LTBR: variants seen among roughly 807,000 people sequenced by gnomAD.
The protein encoded by LTBR is lymphotoxin beta receptor, also known as tumor necrosis factor receptor superfamily member 3.
LTBR carries 15 observed loss-of-function variants against 45.4 expected under a neutral mutation model. The observed-to-expected ratio is 0.33, with a 90% CI of 0.22 to 0.51. The LOEUF is 0.51. Among genes scored for constraint, LTBR ranks in the 20% least tolerant of loss-of-function variants. The pLI is 0.97. For synonymous variants in LTBR, 228 were observed against 231.0 expected, an observed-to-expected ratio of 0.99 and a Z score of 0.12; for missense variants, 450 against 565.5, an observed-to-expected ratio of 0.80 and a Z score of 2.07.
At chr12:6,376,067 C>T in intron 1 of LTBR, 1 of 991,238 alleles carries the variant, frequency 1.0e-6, no homozygotes, top group Non-Finnish European at 1.2e-6. Context: ...CTTCCAGGAG[C>T]TAGAGGCTCA....
Position 6,390,198 on chromosome 12 carries a change from C to T in LTBR, c.888C>T (p.Pro296=). 6.2e-7 allele frequency: 1 copy of T among 1,614,140 alleles called. No homozygotes were observed. Among genetic ancestry groups the T allele is most frequent in the African/African-American group, 1.3e-5 (1 of 75,038 alleles). ...YFPDLVQPLL[P]ISGDVSPVST... is the part of the protein sequence containing the mutation. ...CTGACTTGGTACAGCCACTGCTACC[C>T]ATTTCTGGAGATGTTTCCCCAGTAT... Residue 296 remains proline, a synonymous_variant, in exon 9 of 10, where the codon CCC becomes CCT. Coordinates refer to ENST00000228918, the MANE Select transcript of LTBR (RefSeq NM_002342.3).
rs1949014894 is a variant in LTBR at position 6,384,436 on chromosome 12, A to G, written c.78A>G (p.Ala26=). 1.9e-6 allele frequency: 3 copies of G among 1,550,108 alleles called. No individual in the cohort carries two copies. The highest frequency in any genetic ancestry group is 2.6e-6 in the Non-Finnish European group (3 of 1,150,232). ...PLVLGLFGLL[A]ASQPQAVPPY... is the part of the protein sequence containing the mutation. ...TGCTGGGCCTCTTCGGGCTCCTGGC[A>G]GCATCGCAGCCCCAGGCGGTGAGGA... The change falls in exon 1 of 10, where the codon GCA becomes GCG. Residue 26 remains alanine (A), a synonymous_variant. Coordinates refer to ENST00000228918, the MANE Select transcript of LTBR (RefSeq NM_002342.3).
At position 6,390,742 on chromosome 12, in the gene LTBR, A is replaced by T. The variant is rs774839362; in HGVS notation, c.1113A>T (p.Gly371=). The T allele has an allele frequency of 5.8e-6, 9 of 1,553,622 alleles. No homozygotes were observed. The South Asian group carries it at 1.1e-4, about 20-fold the overall frequency. The change falls in exon 10 of 10, where the codon GGA becomes GGT. Residue 371 remains glycine (G), a synonymous_variant. Transcript: ENST00000228918. ...TCTACAATGGACCAGTACTGGGGGG[A>T]CCACCGGGTCCTGGAGACCTCCCAG... ...IYIYNGPVLG[G]PPGPGDLPAT... is the part of the protein sequence containing the mutation.
intron 1 of LTBR, chr12:6,375,983 G>A: frequency 1.0e-6 from 1 of 1,001,410 alleles, no homozygotes; most frequent in Non-Finnish European, 1.2e-6. Context: ...GCAGTGGTGG[G>A]GGCAAATAGA....
chr12:6,379,544 C>G (rs112562207), upstream of LTBR, among the ~76,000 whole-genome samples: 1 of 152,256 alleles, frequency 6.6e-6, no homozygotes, highest in East Asian at 1.9e-4. Flanking sequence ...TTCAGCTGCC[C>G]TTATGTGGTA....
chr12:6,388,792 C>T lies in LTBR; in HGVS notation c.776-8C>T, dbSNP rs771099203. The T allele has an allele frequency of 1.2e-6, 2 of 1,614,122 alleles. No homozygotes were observed. Among genetic ancestry groups the T allele is most frequent in the Non-Finnish European group, 1.7e-6 (2 of 1,179,996 alleles). ...GGGAGCCTACACCCATTTCATTCTC[C>T]ATTGCAGGATCGCTGCTCAAGAGGC... On this transcript the variant is annotated splice_polypyrimidine_tract_variant and splice_region_variant and intron_variant, in intron 7 of 9. Transcript: ENST00000228918. This position sits in a 1 kb window ranked among gnomAD's most constrained non-coding sequence, Gnocchi z 4.3.
In LTBR at chr12:6,386,077, A is replaced by G; in HGVS notation, c.484A>G (p.Lys162Glu). 1.2e-6 allele frequency: 2 copies of G among 1,613,424 alleles called. No homozygotes were observed. The highest frequency in any genetic ancestry group is 2.2e-5 in the South Asian group (2 of 91,058). ...TEAELKDEVG[K>E]GNNHCVPCKA... ...CTTTCTCTTGCCAGATGAAGTTGGG[A>G]AGGGTAACAACCACTGCGTCCCCTG... The change falls in exon 5 of 10, where the codon AAG becomes GAG. Residue 162 changes from lysine to glutamate, a missense_variant. By Grantham distance (56) the Lys-to-Glu change is moderately conservative. Around this residue, in one of 3 missense-constraint regions of LTBR, gnomAD observed 367 missense variants for 435.4 expected, o/e 0.84. Transcript: ENST00000228918. The surrounding 1 kb of genome is among the most constrained non-coding windows in gnomAD (Gnocchi z 4.1).
chr12:6,383,330 G>T (rs891847271), upstream of LTBR, among the ~76,000 whole-genome samples: 5 of 152,180 alleles, frequency 3.3e-5, no homozygotes, highest in African/African-American at 1.2e-4. Context: ...GCAGGAACGA[G>T]ACCAGGCCAC....
chr12:6,390,996 G>A lies in LTBR; in HGVS notation c.*59G>A, dbSNP rs984017893. 1 of 1,472,812 alleles carries A rather than the reference G, an allele frequency of 6.8e-7. No individual in the cohort carries two copies. Among genetic ancestry groups the A allele is most frequent in the Non-Finnish European group, 9.0e-7 (1 of 1,111,168 alleles). 91.2% of individuals were successfully genotyped at this position (1,472,812 alleles called of 1,614,324 possible). The stretch of plus-strand genomic sequence containing the variant: ...CAAGGGCACCTTCTCCCTTGAGGCT[G>A]CCCTGCCCACGTGGGATTCACAGGG... On this transcript the variant is annotated 3_prime_UTR_variant, in exon 10 of 10. Transcript: ENST00000228918.
chr12:6,384,082 C>A, upstream of LTBR: 2 of 1,240,672 alleles, frequency 1.6e-6, no homozygotes, highest in Non-Finnish European at 2.0e-6. Flanking sequence ...CAAGCCTGTT[C>A]CTCTTCCCTG....
upstream of LTBR, chr12:6,375,321 C>G (rs1592090371): frequency 8.3e-6 from 12 of 1,442,030 alleles, no homozygotes; most frequent in East Asian, 2.7e-4. Context: ...CCCTCTCACT[C>G]TAGGCCCTCA....
chr12:6,388,681 C>T lies in LTBR; in HGVS notation c.776-119C>T. 11 of 1,283,122 alleles carry T rather than the reference C, an allele frequency of 8.6e-6. No homozygotes were observed. In the East Asian group the frequency reaches 2.3e-4, roughly 27 times the overall value. The allele number at this position is 1,283,122 out of a possible 1,614,324, so 79.5% of individuals were successfully genotyped here. ...AGGCTGGAGATGAGAGTGACAGTGGCTTGTTCCTCTGGGCCCCCGGGTGGT... is the reference window on the plus strand; with the variant it reads ...AGGCTGGAGATGAGAGTGACAGTGGTTTGTTCCTCTGGGCCCCCGGGTGGT... On this transcript the variant is annotated intron_variant, in intron 7 of 9. Transcript: ENST00000228918. The surrounding 1 kb of genome is among the most constrained non-coding windows in gnomAD (Gnocchi z 4.3).
In LTBR at chr12:6,388,223, AC is replaced by A. The variant is rs1328242618; in HGVS notation, c.668-172del. On this transcript the variant is annotated intron_variant, in intron 6 of 9. Coordinates refer to ENST00000228918, the MANE Select transcript of LTBR (RefSeq NM_002342.3). This position sits in a 1 kb window ranked among gnomAD's most constrained non-coding sequence, Gnocchi z 4.3. Reference sequence around the variant, plus strand: ...TCCAACTTAGTTCCCCTTCTCTATAACCCAAGGGAAGTTTCTCTCATTCTGC... The same window carrying A: ...TCCAACTTAGTTCCCCTTCTCTATAACCAAGGGAAGTTTCTCTCATTCTGC... The A allele has an allele frequency of 3.4e-6, 2 of 585,368 alleles. No homozygotes were observed. Among genetic ancestry groups the A allele is most frequent in the African/African-American group, 3.7e-5 (2 of 53,444 alleles). The allele number at this position is 585,368 out of a possible 1,614,324, so 36.3% of individuals were successfully genotyped here.
chr12:6,386,233 A>C lies in LTBR; in HGVS notation c.569+71A>C. The C allele has an allele frequency of 6.7e-7, 1 of 1,498,576 alleles. No homozygotes were observed. Among genetic ancestry groups the C allele is most frequent in the Non-Finnish European group, 9.3e-7 (1 of 1,076,912 alleles). The allele number at this position is 1,498,576 out of a possible 1,614,324, so 92.8% of individuals were successfully genotyped here. Reference sequence around the variant, plus strand: ...CAGCTGCTAACAACCCCCAGCGCCTATCCTTGACACCACGGACTCGACTCA... The same window carrying C: ...CAGCTGCTAACAACCCCCAGCGCCTCTCCTTGACACCACGGACTCGACTCA... On this transcript the variant is annotated intron_variant, in intron 5 of 9. Transcript: ENST00000228918. This position sits in a 1 kb window ranked among gnomAD's most constrained non-coding sequence, Gnocchi z 4.1.
chr12:6,386,531 G>A lies in LTBR; in HGVS notation c.667+87G>A. On this transcript the variant is annotated intron_variant, in intron 6 of 9. Coordinates refer to ENST00000228918, the MANE Select transcript of LTBR (RefSeq NM_002342.3). This position sits in a 1 kb window ranked among gnomAD's most constrained non-coding sequence, Gnocchi z 4.1. ...ATCTTAAAAAAAATGGGGAAAAGAT[G>A]AACACTTCCCTCCCAGAATTGGGCA... 1.9e-6 allele frequency: 2 copies of A among 1,030,556 alleles called. No individual in the cohort carries two copies. The highest frequency in any genetic ancestry group is 2.8e-5 in the South Asian group (2 of 70,926). The allele number at this position is 1,030,556 out of a possible 1,614,324, so 63.8% of individuals were successfully genotyped here.
At chr12:6,375,298 C>T (rs72645132), upstream of LTBR, 15 of 1,438,638 alleles carry the variant, frequency 1.0e-5, no homozygotes, top group Admixed American at 2.9e-5. Flanking sequence ...TCCTCTCCCC[C>T]CCTTGCCTTG....
In LTBR at chr12:6,385,079, C is replaced by T. The variant is rs866107935; in HGVS notation, c.251C>T (p.Ala84Val). ...CGGGACACAGTTTGTGCCACATGTGCCGAGAATTCCTACAACGAGCACTGG... is the reference window on the plus strand; with the variant it reads ...CGGGACACAGTTTGTGCCACATGTGTCGAGAATTCCTACAACGAGCACTGG... ...RIRDTVCATC[A>V]ENSYNEHWNY... The change falls in exon 3 of 10, where the codon GCC becomes GTC. Residue 84 changes from alanine (A) to valine (V), a missense_variant. Physicochemically the swap from Ala to Val is moderately conservative, Grantham distance 64. Transcript: ENST00000228918. 6.2e-7 allele frequency: 1 copy of T among 1,614,230 alleles called. No homozygotes were observed. The highest frequency in any genetic ancestry group is 8.5e-7 in the Non-Finnish European group (1 of 1,180,040).
In LTBR at chr12:6,385,210, TC is replaced by T; in HGVS notation, c.320-14del. 1 of 1,613,894 alleles carries T rather than the reference TC, an allele frequency of 6.2e-7. No homozygotes were observed. The highest frequency in any genetic ancestry group is 1.1e-5 in the South Asian group (1 of 91,070). On this transcript the variant is annotated splice_polypyrimidine_tract_variant and intron_variant, in intron 3 of 9. Transcript: ENST00000228918. ...TGGAGCTTGGCCCCTCCCTGAGCCC[TC>T]CCGTCTCCCCGCCAGTGATGGGCCT...
At position 6,388,378 on chromosome 12, in the gene LTBR, C is replaced by T; in HGVS notation, c.668-20C>T. Reference sequence around the variant, plus strand: ...CCCTTCTTGGGGCTGTGATCACCCTCCTGTCTGCTGTCCTGGCAGGAACCA... The same window carrying T: ...CCCTTCTTGGGGCTGTGATCACCCTTCTGTCTGCTGTCCTGGCAGGAACCA... On this transcript the variant is annotated intron_variant, in intron 6 of 9. Transcript: ENST00000228918. The surrounding 1 kb of genome is among the most constrained non-coding windows in gnomAD (Gnocchi z 4.3). The T allele has an allele frequency of 4.4e-6, 7 of 1,592,088 alleles. No individual in the cohort carries two copies. The highest frequency in any genetic ancestry group is 6.0e-6 in the Non-Finnish European group (7 of 1,160,672).
Sources: gnomAD v4.1 joint callset for allele counts (sites outside exome capture counted in the v4.1 genomes callset) on GRCh38, gnomAD v4.1.1 for gene constraint, gnomAD v4.1.1 regional missense constraint, Gnocchi (gnomAD v3.1) non-coding constraint, MANE v1.5 for transcripts, NCBI Gene and HGNC (gene_info 2026-07-23, HGNC 2026-07-21) for gene names.